Variants in SPACA3 observed in about 807,000 individuals in gnomAD.
The protein encoded by SPACA3 is sperm acrosome membrane-associated protein 3.
A neutral mutation model predicts 24.5 loss-of-function variants in SPACA3; 21 were observed. That is an observed-to-expected ratio of 0.86 (90% CI 0.61 to 1.24). The LOEUF is 1.24. Among genes scored for constraint, SPACA3 ranks in the 50% most tolerant of loss-of-function variants. The pLI is 0.00. For synonymous variants in SPACA3, 115 were observed against 106.9 expected (o/e 1.08, Z -0.47); for missense variants, 278 against 275.5 (o/e 1.01, Z -0.06).
Position 32,995,521 on chromosome 17 carries a change from T to A in SPACA3, c.147T>A (p.Ser49=). The A allele has an allele frequency of 6.2e-7, 1 of 1,614,222 alleles. No individual in the cohort carries two copies. The highest frequency in any genetic ancestry group is 8.5e-7 in the Non-Finnish European group (1 of 1,180,038). The part of the protein sequence containing the change: ...ALSQSGGGST[S]AAGIEARSRA... ...GCCAGAGTGGTGGTGGCTCCACCTC[T>A]GCCGCCGGCATAGAAGCCAGGAGCA... The change falls in exon 2 of 5, where the codon TCT becomes TCA. Residue 49 remains serine (S), a synonymous_variant. Transcript: ENST00000269053.
rs201729342 is a variant in SPACA3, at chr17:32,995,658, T to C, written c.284T>C (p.Leu95Pro). 1.2e-6 allele frequency: 2 copies of C among 1,614,232 alleles called. No homozygotes were observed. The highest frequency in any genetic ancestry group is 4.5e-5 in the East Asian group (2 of 44,884). Reference protein sequence around the residue: ...SEAKLYGRCELARVLHDFGLD... With the variant: ...SEAKLYGRCEPARVLHDFGLD... ...GCCAAGCTCTACGGTCGTTGTGAAC[T>C]GGCCAGAGTGCTACATGACTTCGGG... The change falls in exon 2 of 5, where the codon CTG (leucine) becomes CCG (proline). Residue 95 changes from leucine (L) to proline (P), a missense_variant. Coordinates refer to ENST00000269053, the MANE Select transcript of SPACA3 (RefSeq NM_173847.5).
At position 32,996,993 on chromosome 17, in the gene SPACA3, A is replaced by G. The variant is rs764373954; in HGVS notation, c.494A>G (p.Tyr165Cys). 2.6e-6 allele frequency: 4 copies of G among 1,542,186 alleles called. No individual in the cohort carries two copies. The highest frequency in any genetic ancestry group is 3.5e-6 in the Non-Finnish European group (4 of 1,143,648). ...TPNVPNVCRM[Y>C]CSDLLNPNLK... ...AACGTCCCCAACGTGTGCCGGATGT[A>G]CTGCTCAGGTAGCTGGGCCTGGGCC... Residue 165 changes from tyrosine to cysteine, a missense_variant, in exon 3 of 5, where the codon TAC becomes TGC. By Grantham distance (194) the Tyr-to-Cys change is radical. Transcript: ENST00000269053.
intron 1 of SPACA3, among the ~76,000 whole-genome samples, chr17:32,993,685 A>G (rs527597389): frequency 4.1e-4 from 60 of 146,422 alleles, no homozygotes; most frequent in African/African-American, 7.4e-4. Context: ...AGCGGGAGGG[A>G]GAAAGTGGCG....
chr17:32,996,839 G>T lies in SPACA3; in HGVS notation c.344-4G>T. 1 of 1,577,552 alleles carries T rather than the reference G, an allele frequency of 6.3e-7. No individual in the cohort carries two copies. Among genetic ancestry groups the T allele is most frequent in the Non-Finnish European group, 8.6e-7 (1 of 1,161,424 alleles). On this transcript the variant is annotated splice_polypyrimidine_tract_variant and splice_region_variant and intron_variant, in intron 2 of 4. Coordinates refer to ENST00000269053, the MANE Select transcript of SPACA3 (RefSeq NM_173847.5). ...CCCCCAGGCCTATGCTCTGCCCTATGCAGGGGTCTGCCTTGCTTATTTCAC... is the reference window on the plus strand; with the variant it reads ...CCCCCAGGCCTATGCTCTGCCCTATTCAGGGGTCTGCCTTGCTTATTTCAC...
chr17:32,993,203 G>A (rs149116838), intron 1 of SPACA3, among the ~76,000 whole-genome samples: 1 of 152,332 alleles, frequency 6.6e-6, no homozygotes, highest in East Asian at 1.9e-4. Context: ...AGAAGGCATT[G>A]ATGGAAACAG....
chr17:32,997,344 T>G (rs78949900), intron 3 of SPACA3, 101 bp from the exon 4 acceptor site: 660 of 604,190 alleles, frequency 1.1e-3, no homozygotes, highest in Non-Finnish European at 1.3e-3. Context: ...TGTGTGTGTG[T>G]AGAGAGAGAG....
In SPACA3 at chr17:32,997,358, GAGAC is replaced by G. The variant is rs1231753533; in HGVS notation, c.503-79_503-76del. ...GTGTGTGTGTGTAGAGAGAGAGAGAGAGACAGACAGATACACACTCACACACACA... is the reference window on the plus strand; with the variant it reads ...GTGTGTGTGTGTAGAGAGAGAGAGAGAGACAGATACACACTCACACACACA... On this transcript the variant is annotated intron_variant, in intron 3 of 4. Transcript: ENST00000269053. The G allele has an allele frequency of 6.4e-4, 648 of 1,010,764 alleles. 1 individual carries two copies. Among genetic ancestry groups the G allele is most frequent in the Non-Finnish European group, 8.3e-4 (542 of 651,734 alleles). 62.6% of individuals were successfully genotyped at this position (1,010,764 alleles called of 1,614,324 possible). A position where few individuals can be genotyped will look rare whatever the true frequency, so the allele number is the denominator to read the frequency against.
In SPACA3 at chr17:32,996,979, CGTG is replaced by C. The variant is rs2091726427; in HGVS notation, c.481_483del (p.Val161del). The C allele has an allele frequency of 1.3e-6, 2 of 1,574,684 alleles. No homozygotes were observed. The highest frequency in any genetic ancestry group is 1.7e-4 in the Middle Eastern group (1 of 5,864). ...GCAACCTCACCCCGAACGTCCCCAA[CGTG>C]TGCCGGATGTACTGCTCAGGTAGCT... On this transcript the variant is annotated inframe_deletion, in exon 3 of 5. Transcript: ENST00000269053.
intron 1 of SPACA3, among the ~76,000 whole-genome samples, chr17:32,994,966 C>T (rs1408724781): frequency 6.6e-6 from 1 of 152,108 alleles, no homozygotes; most frequent in Admixed American, 6.5e-5. Context: ...GAGCAGCTTC[C>T]CCTTGAGCGG....
intron 2 of SPACA3, among the ~76,000 whole-genome samples, chr17:32,995,924 C>T (rs1034400263): frequency 1.3e-5 from 2 of 152,200 alleles, no homozygotes; most frequent in African/African-American, 4.8e-5. Context: ...AAATTGGAGT[C>T]ACCCCTTCAT....
chr17:32,992,283 C>G (rs2151127024), intron 1 of SPACA3, among the ~76,000 whole-genome samples: 1 of 151,396 alleles, frequency 6.6e-6, no homozygotes, highest in Middle Eastern at 3.4e-3. Flanking sequence ...CCACACCTTT[C>G]AATTGCTGAG....
chr17:32,991,902 A>G lies in SPACA3; in HGVS notation c.-37A>G, dbSNP rs1366172207. 6.2e-7 allele frequency: 1 copy of G among 1,612,806 alleles called. No homozygotes were observed. Among genetic ancestry groups the G allele is most frequent in the Non-Finnish European group, 8.5e-7 (1 of 1,179,554 alleles). On this transcript the variant is annotated 5_prime_UTR_variant, in exon 1 of 5. Coordinates refer to ENST00000269053, the MANE Select transcript of SPACA3 (RefSeq NM_173847.5). ...TGTGGGGGACATCTTGAGCTGAAGCAGGGTTTTGAGCCACTGCTGCTGCTG... is the reference window on the plus strand; with the variant it reads ...TGTGGGGGACATCTTGAGCTGAAGCGGGGTTTTGAGCCACTGCTGCTGCTG...
chr17:32,996,436 C>T (rs1260388469), intron 2 of SPACA3, among the ~76,000 whole-genome samples: 1 of 147,250 alleles, frequency 6.8e-6, no homozygotes, highest in Non-Finnish European at 1.5e-5. Flanking sequence ...TTGCAGTGAG[C>T]TGAGATCACG....
Position 32,992,014 on chromosome 17 carries a change from C to G in SPACA3, c.34+42C>G, listed in dbSNP as rs199889988. The G allele has an allele frequency of 7.0e-4, 1,134 of 1,609,696 alleles. 2 individuals are homozygous for G. Among genetic ancestry groups the G allele is most frequent in the Non-Finnish European group, 8.4e-4 (992 of 1,178,418 alleles). ...TTCTTCCTGGGGCTGTTAACAGGGG[C>G]GCTGGGTTGGTCTGGCCAGAGACCA... is the stretch of plus-strand genomic sequence containing the variant. On this transcript the variant is annotated intron_variant, in intron 1 of 4. Coordinates refer to ENST00000269053, the MANE Select transcript of SPACA3 (RefSeq NM_173847.5).
intron 1 of SPACA3, 62 bp from the exon 2 acceptor site, chr17:32,995,347 C>T: frequency 6.8e-7 from 1 of 1,475,318 alleles, no homozygotes. Flanking sequence ...TGCAAGGGGG[C>T]TGATACGTGC....
Position 32,996,876 on chromosome 17 carries a change from A to G in SPACA3, c.377A>G (p.Asn126Ser), listed in dbSNP as rs1386096256. The change falls in exon 3 of 5, where the codon AAC (asparagine) becomes AGC (serine). Residue 126 changes from asparagine (N) to serine (S), a missense_variant. Physicochemically the swap from Asn to Ser is conservative, Grantham distance 46. Coordinates refer to ENST00000269053, the MANE Select transcript of SPACA3 (RefSeq NM_173847.5). The stretch of plus-strand genomic sequence containing the variant: ...CTTGCTTATTTCACAAGCGGTTTCA[A>G]CGCAGCTGCTTTGGACTACGAGGCT... The part of the protein sequence containing the change: ...VCLAYFTSGF[N>S]AAALDYEADG... The G allele has an allele frequency of 1.2e-5, 20 of 1,607,940 alleles. No individual in the cohort carries two copies. Among genetic ancestry groups the G allele is most frequent in the Non-Finnish European group, 1.6e-5 (19 of 1,177,026 alleles).
rs2091717588 is a variant in SPACA3 at position 32,995,667 on chromosome 17, T to C, written c.293T>C (p.Val98Ala). Residue 98 changes from valine (V) to alanine (A), a missense_variant, in exon 2 of 5, where the codon GTG (valine) becomes GCG (alanine). Coordinates refer to ENST00000269053, the MANE Select transcript of SPACA3 (RefSeq NM_173847.5). Reference protein sequence around the residue: ...KLYGRCELARVLHDFGLDGYR... With the variant: ...KLYGRCELARALHDFGLDGYR... ...TACGGTCGTTGTGAACTGGCCAGAGTGCTACATGACTTCGGGCTGGACGGA... is the reference window on the plus strand; with the variant it reads ...TACGGTCGTTGTGAACTGGCCAGAGCGCTACATGACTTCGGGCTGGACGGA... 1.2e-6 allele frequency: 2 copies of C among 1,613,978 alleles called. No individual in the cohort carries two copies. The highest frequency in any genetic ancestry group is 2.2e-5 in the South Asian group (2 of 91,074).
In SPACA3 at chr17:32,991,967, T is replaced by C. The variant is rs1277874474; in HGVS notation, c.29T>C (p.Leu10Pro). 4 of 1,613,912 alleles carry C rather than the reference T, an allele frequency of 2.5e-6. No individual in the cohort carries two copies. In the Admixed American group the frequency reaches 5.0e-5, roughly 20 times the overall value. Residue 10 changes from leucine (L) to proline (P), a missense_variant, in exon 1 of 5, where the codon CTG becomes CCG. By Grantham distance (98) the Leu-to-Pro change is moderately conservative. Transcript: ENST00000269053. ...GTCTCAGCTCTGCGGGGAGCACCCC[T>C]GATCAGTGAGCCCCCTTTCCCTTCT... MVSALRGAP[L>P]IRVHSSPVSS...
chr17:32,996,837 A>G lies in SPACA3; in HGVS notation c.344-6A>G, dbSNP rs1204209432. 1.3e-6 allele frequency: 2 copies of G among 1,576,054 alleles called. No individual in the cohort carries two copies. The highest frequency in any genetic ancestry group is 8.6e-7 in the Non-Finnish European group (1 of 1,160,596). On this transcript the variant is annotated splice_polypyrimidine_tract_variant and splice_region_variant and intron_variant, in intron 2 of 4. Transcript: ENST00000269053. ...GACCCCCAGGCCTATGCTCTGCCCT[A>G]TGCAGGGGTCTGCCTTGCTTATTTC...
Sources: allele counts gnomAD v4.1 joint callset (sites outside exome capture counted in the v4.1 genomes callset), GRCh38; gene constraint gnomAD v4.1.1; transcripts MANE v1.5; gene names NCBI Gene and HGNC (gene_info 2026-07-23, HGNC 2026-07-21).